PCDHA2: variants seen among roughly 807,000 people sequenced by gnomAD.
PCDHA2 encodes the protein protocadherin alpha-2.
A neutral mutation model predicts 66.0 loss-of-function variants in PCDHA2; 58 were observed. The observed-to-expected ratio is 0.88, with a 90% confidence interval of 0.71 to 1.09. The LOEUF (loss-of-function observed/expected upper bound fraction) is 1.09. Among genes scored for constraint, PCDHA2 ranks in the 50% least tolerant of loss-of-function variants. The probability of loss-of-function intolerance (pLI) is 0.00; values close to 1 mark genes in which losing one functional copy is unlikely to be tolerated. For missense variants in PCDHA2, 1,267 were observed against 1,242.3 expected (o/e 1.02, Z -0.30); for synonymous variants, 634 against 554.0 (o/e 1.14, Z -2.03).
intron 1 of PCDHA2, chr5:140,824,315 CA>C (rs1768084826): frequency 1.3e-6 from 1 of 747,160 alleles, no homozygotes; most frequent in Non-Finnish European, 2.2e-6. Context: ...ATAGATTCAT[CA>C]GCTTTCTGTG....
At chr5:140,797,494 T>A (rs371756510) in intron 1 of PCDHA2, 142 bp downstream of exon 1, 6 of 961,670 alleles carry the variant, frequency 6.2e-6, no homozygotes, top group South Asian at 3.3e-5. Context: ...GAATTAGAGA[T>A]CAATTTATTG....
At chr5:140,855,106 T>C (rs1554147619) in intron 1 of PCDHA2, among the ~76,000 whole-genome samples, 1 of 149,974 alleles carries the variant, frequency 6.7e-6, no homozygotes, top group Non-Finnish European at 1.5e-5. Flanking sequence ...GTAGCAATAA[T>C]TAAGGCATTC....
rs1554169498 is a variant in PCDHA2 at position 140,877,227 on chromosome 5, G to A, written c.2388+79875G>A. On this transcript the variant is annotated intron_variant, in intron 1 of 3. Transcript: ENST00000526136. ...TTAGCGAGTTGGTACCGCGGTCGGT[G>A]GGTGCGGGCCACGTGGTGGCGAAAG... The A allele has an allele frequency of 1.9e-6, 3 of 1,613,738 alleles. No homozygotes were observed. The South Asian group carries it at 3.3e-5, about 18-fold the overall frequency.
intron 1 of PCDHA2, among the ~76,000 whole-genome samples, chr5:140,906,153 A>G (rs2072404848): frequency 6.6e-6 from 1 of 152,142 alleles, no homozygotes; most frequent in Non-Finnish European, 1.5e-5. Flanking sequence ...ACCCTCACAG[A>G]CACACCCAGG....
At chr5:140,844,934 G>T (rs1554140786) in intron 1 of PCDHA2, among the ~76,000 whole-genome samples, 1 of 149,226 alleles carries the variant, frequency 6.7e-6, no homozygotes, top group African/African-American at 2.5e-5. Context: ...GGGAATGAAC[G>T]ATTTCTGGGA....
intron 1 of PCDHA2, chr5:140,875,959 G>C (rs1448292250): frequency 5.0e-6 from 8 of 1,614,070 alleles, no homozygotes; most frequent in South Asian, 2.2e-5. Context: ...TGCGGATATC[G>C]GCGTAAACTC....
At chr5:140,837,107 A>G (rs1774915292) in intron 1 of PCDHA2, 1 of 159,760 alleles carries the variant, frequency 6.3e-6, no homozygotes, top group Admixed American at 6.2e-5. Context: ...AATTTAATAT[A>G]TATGTTACCT....
Position 140,848,523 on chromosome 5 carries a change from G to T in PCDHA2, c.2388+51171G>T, listed in dbSNP as rs1314273290. 2.8e-5 allele frequency: 45 copies of T among 1,593,246 alleles called. 8 individuals are homozygous for T. The highest frequency in any genetic ancestry group is 3.6e-5 in the Non-Finnish European group (42 of 1,164,214). Reference sequence around the variant, plus strand: ...GTTATACTCAAGTCGAGGAGATCCAGAGGGTCAGCCTCTACTGCTCTCGCT... The same window carrying T: ...GTTATACTCAAGTCGAGGAGATCCATAGGGTCAGCCTCTACTGCTCTCGCT... On this transcript the variant is annotated intron_variant, in intron 1 of 3. Transcript: ENST00000526136.
At chr5:140,977,379 C>T (rs921133722) in intron 1 of PCDHA2, among the ~76,000 whole-genome samples, 4 of 152,134 alleles carry the variant, frequency 2.6e-5, no homozygotes, top group African/African-American at 2.4e-5. Flanking sequence ...AGTCATATTT[C>T]CAGGTTTATA....
chr5:140,951,548 G>A (rs1314618918), intron 1 of PCDHA2, among the ~76,000 whole-genome samples: 1 of 151,910 alleles, frequency 6.6e-6, no homozygotes, highest in African/African-American at 2.4e-5. Flanking sequence ...AGGGACGGGG[G>A]GAAGTGCTAC....
chr5:140,993,754 A>G (rs1253767297), intron 3 of PCDHA2, among the ~76,000 whole-genome samples: 1 of 152,170 alleles, frequency 6.6e-6, no homozygotes, highest in African/African-American at 2.4e-5. Context: ...ACTTGCCATT[A>G]TATTACAATT....
intron 1 of PCDHA2, chr5:140,808,838 C>T: frequency 6.2e-7 from 1 of 1,613,150 alleles, no homozygotes; most frequent in South Asian, 1.1e-5. Flanking sequence ...CAACGTGACG[C>T]TGCAGGTGTT....
intron 1 of PCDHA2, chr5:140,875,396 T>TA (rs1256359492): frequency 1.4e-6 from 2 of 1,478,102 alleles, no homozygotes; most frequent in African/African-American, 2.8e-5. Flanking sequence ...CAGAAAAGGG[T>TA]GACTGCTCAT....
At chr5:140,808,273 C>T (rs782725111) in intron 1 of PCDHA2, 1 of 1,614,232 alleles carries the variant, frequency 6.2e-7, no homozygotes, top group Non-Finnish European at 8.5e-7. Context: ...TTAGAGAGGA[C>T]GCTCCACTGG....
intron 1 of PCDHA2, among the ~76,000 whole-genome samples, chr5:140,888,214 G>GTGTGTGTGCA (rs1387597541): frequency 6.6e-6 from 1 of 152,130 alleles, no homozygotes; most frequent in Admixed American, 6.5e-5. Context: ...TGGATTTTGT[G>GTGTGTGTGCA]TGTGTGTGCA....
Position 140,904,868 on chromosome 5 carries a change from C to T in PCDHA2, c.2389-74081C>T, listed in dbSNP as rs188578381. 2.9e-3 allele frequency among the ~76,000 whole-genome samples: 446 copies of T among 152,022 alleles called. 2 individuals are homozygous for T. Among genetic ancestry groups the T allele is most frequent in the Middle Eastern group, 0.014 (4 of 294 alleles). Reference sequence around the variant, plus strand: ...TCTTCTGAGAATTGTCTGTTTATGTCCTTAGCTCACTTTTTGATGGGATTT... The same window carrying T: ...TCTTCTGAGAATTGTCTGTTTATGTTCTTAGCTCACTTTTTGATGGGATTT... On this transcript the variant is annotated intron_variant, in intron 1 of 3. Transcript: ENST00000526136.
At chr5:140,832,339 T>C (rs2150201116) in intron 1 of PCDHA2, among the ~76,000 whole-genome samples, 1 of 152,330 alleles carries the variant, frequency 6.6e-6, no homozygotes, top group Admixed American at 6.5e-5. Context: ...GACTGAGTTG[T>C]GGTTTGTGTT....
chr5:140,834,545 G>T (rs2150220681), intron 1 of PCDHA2: 1 of 1,614,088 alleles, frequency 6.2e-7, no homozygotes, highest in South Asian at 1.1e-5. Flanking sequence ...ACCTGGGGCT[G>T]GAGCTGGCGG....
At chr5:140,966,955 C>T in intron 1 of PCDHA2, 1 of 1,602,734 alleles carries the variant, frequency 6.2e-7, no homozygotes, top group East Asian at 2.2e-5. Context: ...ACGTGGCTCG[C>T]GCGCTGGGGC....
Sources: allele counts gnomAD v4.1 joint callset (sites outside exome capture counted in the v4.1 genomes callset), GRCh38; gene constraint gnomAD v4.1.1; transcripts MANE v1.5; gene names NCBI Gene and HGNC (gene_info 2026-07-23, HGNC 2026-07-21).